ALMS1: variants seen among roughly 807,000 people sequenced by gnomAD.
ALMS1 encodes centrosome-associated protein ALMS1.
A neutral mutation model predicts 352.2 loss-of-function variants in ALMS1; 271 were observed. The ratio of observed to expected loss-of-function variants is 0.77; its 90% CI spans 0.70 to 0.85. The LOEUF is 0.85. Among genes scored for constraint, ALMS1 ranks in the 40% least tolerant of loss-of-function variants. ALMS1 has a pLI of 0.00. For synonymous variants in ALMS1, 1,865 were observed against 1,761.2 expected (o/e 1.06, Z -1.48); for missense variants, 5,445 against 4,870.7 (o/e 1.12, Z -3.51).
rs374046216 is a variant in ALMS1 at position 73,451,944 on chromosome 2, A to T, written c.5417A>T (p.Tyr1806Phe). ...TGVSTVTSTS[Y>F]SHREKPIVSY... is the part of the protein sequence containing the mutation. ...GTATCAACAGTAACCTCTACTTCCT[A>T]CTCACACAGAGAGAAGCCCATTGTT... Residue 1806 changes from tyrosine (Y) to phenylalanine (F), a missense_variant, in exon 8 of 23, where the codon TAC becomes TTC. Tyr to Phe is a conservative substitution (Grantham distance 22). Coordinates refer to ENST00000613296, the MANE Select transcript of ALMS1 (RefSeq NM_001378454.1). 5 of 1,613,822 alleles carry T rather than the reference A, an allele frequency of 3.1e-6. No homozygotes were observed. The highest frequency in any genetic ancestry group is 1.3e-5 in the African/African-American group (1 of 74,822).
chr2:73,398,057 A>G (rs918802795), intron 1 of ALMS1, among the ~76,000 whole-genome samples: 2 of 152,210 alleles, frequency 1.3e-5, no homozygotes, highest in Non-Finnish European at 2.9e-5. Flanking sequence ...ACCAAACCCA[A>G]GGACATCTAG....
intron 9 of ALMS1, chr2:73,470,168 TC>T (rs35741807): frequency 6.6e-6 from 1 of 151,956 alleles, no homozygotes; most frequent in Admixed American, 6.6e-5. Flanking sequence ...GTTGATTTCT[TC>T]CTGTTTTTCT....
chr2:73,443,016 C>G (rs557345562), intron 7 of ALMS1, among the ~76,000 whole-genome samples: 3 of 152,310 alleles, frequency 2.0e-5, no homozygotes, highest in African/African-American at 7.2e-5. Context: ...TCACCCTCAT[C>G]CCTGCCCAAT....
intron 20 of ALMS1, 97 bp from the exon 21 acceptor site, chr2:73,603,144 G>A (rs1369087800): frequency 1.1e-5 from 12 of 1,140,818 alleles, no homozygotes; most frequent in African/African-American, 1.6e-5. Context: ...GCTCAGGGTA[G>A]GGGCACCAAG....
intron 11 of ALMS1, among the ~76,000 whole-genome samples, chr2:73,521,539 G>A (rs1017380209): frequency 1.3e-4 from 19 of 146,408 alleles, no homozygotes; most frequent in Non-Finnish European, 2.2e-4. Flanking sequence ...GATCGAGACC[G>A]TCCTGGCTAA....
Position 73,411,823 on chromosome 2 carries a change from T to A in ALMS1, c.450+3076T>A, listed in dbSNP as rs78555001. On this transcript the variant is annotated intron_variant, in intron 2 of 22. Coordinates refer to ENST00000613296, the MANE Select transcript of ALMS1 (RefSeq NM_001378454.1). ...AAGTTCTCATATATTTCATCTAATC[T>A]CCAGTGATCTTTACTTCCGTACCTC... is the stretch of plus-strand genomic sequence containing the variant. Among the ~76,000 whole-genome samples, 244 of 152,302 alleles carry A rather than the reference T, an allele frequency of 1.6e-3. 2 individuals are homozygous for A. In the East Asian group the frequency reaches 0.04, roughly 25 times the overall value.
intron 9 of ALMS1, among the ~76,000 whole-genome samples, chr2:73,485,906 G>A (rs899210788): frequency 2.0e-5 from 3 of 152,160 alleles, no homozygotes; most frequent in Non-Finnish European, 2.9e-5. Flanking sequence ...CTTCCCAAGT[G>A]AGGCAATGCC....
intron 11 of ALMS1, among the ~76,000 whole-genome samples, chr2:73,522,754 A>G (rs1673711833): frequency 6.6e-6 from 1 of 152,216 alleles, no homozygotes; most frequent in Non-Finnish European, 1.5e-5. Flanking sequence ...GGCGTGAGCC[A>G]CTGCGCCTGG....
At chr2:73,568,085 A>G (rs889099330) in intron 15 of ALMS1, among the ~76,000 whole-genome samples, 2 of 152,222 alleles carry the variant, frequency 1.3e-5, no homozygotes, top group Admixed American at 1.3e-4. Flanking sequence ...ATAGTAAAAG[A>G]AATGCAAATG....
chr2:73,541,661 C>T (rs566105958), intron 12 of ALMS1, among the ~76,000 whole-genome samples: 19 of 152,020 alleles, frequency 1.2e-4, no homozygotes, highest in East Asian at 3.9e-4. Flanking sequence ...ATCAAATAGA[C>T]GCAATAAAAA....
At chr2:73,387,933 C>G (rs368959750) in intron 1 of ALMS1, among the ~76,000 whole-genome samples, 1 of 152,102 alleles carries the variant, frequency 6.6e-6, no homozygotes, top group Non-Finnish European at 1.5e-5. Flanking sequence ...TACTTAATAA[C>G]GGATGGGATG....
chr2:73,395,056 A>ATATATGTGTG, intron 1 of ALMS1, among the ~76,000 whole-genome samples: 1 of 100,744 alleles, frequency 9.9e-6, no homozygotes, highest in African/African-American at 6.3e-5. Flanking sequence ...ATATATATAT[A>ATATATGTGTG]TGTGTATATA....
chr2:73,521,384 G>A lies in ALMS1; in HGVS notation c.9781+1368G>A, dbSNP rs573364207. ...TTCTTTCTGAGACTCAGGCTAATGG[G>A]TCAATAGCTATCCTAGAGTGTGGTG... On this transcript the variant is annotated intron_variant, in intron 11 of 22. Coordinates refer to ENST00000613296, the MANE Select transcript of ALMS1 (RefSeq NM_001378454.1). Among the ~76,000 whole-genome samples the A allele has an allele frequency of 3.7e-4, 56 of 152,122 alleles. 1 individual carries two copies. The highest frequency in any genetic ancestry group is 1.3e-3 in the African/African-American group (55 of 41,490).
chr2:73,449,203 A>AC lies in ALMS1; in HGVS notation c.2678dup (p.Gly894ArgfsTer2). ...CTCTGAAAGTATCAATTGTTCCTGGACCAGGTGATCAGAAGACTGGGATAC... is the reference window on the plus strand; with the variant it reads ...CTCTGAAAGTATCAATTGTTCCTGGACCCAGGTGATCAGAAGACTGGGATAC... On this transcript the variant is annotated frameshift_variant, in exon 8 of 23. Coordinates refer to ENST00000613296, the MANE Select transcript of ALMS1 (RefSeq NM_001378454.1). LOFTEE classifies it high-confidence loss of function. 1 of 1,614,112 alleles carries AC rather than the reference A, an allele frequency of 6.2e-7. No individual in the cohort carries two copies. Among genetic ancestry groups the AC allele is most frequent in the East Asian group, 2.2e-5 (1 of 44,870 alleles).
At position 73,440,280 on chromosome 2, in the gene ALMS1, G is replaced by A. The variant is rs534234683; in HGVS notation, c.1433-7680G>A. ...TTACAGGCGTGAGCCAATGCACCCG[G>A]CCCTTGGTGTGGATTTCTTTGGGTT... is the stretch of plus-strand genomic sequence containing the variant. On this transcript the variant is annotated intron_variant, in intron 7 of 22. Transcript: ENST00000613296. Among the ~76,000 whole-genome samples the A allele has an allele frequency of 5.6e-4, 86 of 152,246 alleles. 3 individuals carry two copies. In the South Asian group the frequency reaches 0.012, roughly 22 times the overall value.
chr2:73,396,434 T>C (rs1366191899), intron 1 of ALMS1, among the ~76,000 whole-genome samples: 2 of 151,956 alleles, frequency 1.3e-5, no homozygotes, highest in Non-Finnish European at 2.9e-5. Context: ...GGTATCAGGG[T>C]AATATTGACC....
intron 9 of ALMS1, 113 bp from the exon 10 acceptor site, chr2:73,489,521 T>C: frequency 8.2e-7 from 1 of 1,214,832 alleles, no homozygotes; most frequent in Admixed American, 1.8e-5. Context: ...AAGAATGACA[T>C]GACCTTCATG....
At chr2:73,587,633 G>T (rs1675339964) in intron 16 of ALMS1, among the ~76,000 whole-genome samples, 1 of 152,194 alleles carries the variant, frequency 6.6e-6, no homozygotes, top group Non-Finnish European at 1.5e-5. Flanking sequence ...AAACCCACTT[G>T]ACCATGGTGG....
intron 15 of ALMS1, among the ~76,000 whole-genome samples, chr2:73,568,246 T>C (rs1474418674): frequency 2.6e-5 from 4 of 152,232 alleles, no homozygotes; most frequent in African/African-American, 7.2e-5. Context: ...TGTACTCTTA[T>C]AAGACTATTA....
Sources: allele counts gnomAD v4.1 joint callset (sites outside exome capture counted in the v4.1 genomes callset), GRCh38; gene constraint gnomAD v4.1.1; transcripts MANE v1.5; gene names NCBI Gene and HGNC (gene_info 2026-07-23, HGNC 2026-07-21).